CPQ: variants seen among roughly 807,000 people sequenced by gnomAD.
The protein encoded by CPQ is carboxypeptidase Q.
CPQ carries 37 observed loss-of-function variants against 45.7 expected under a neutral mutation model. The observed-to-expected ratio is 0.81, with a 90% confidence interval of 0.62 to 1.07. The LOEUF (loss-of-function observed/expected upper bound fraction) is 1.07, where lower values mean the gene tolerates loss of function less well. Among genes scored for constraint, CPQ ranks in the 50% least tolerant of loss-of-function variants. The pLI, the probability that CPQ is intolerant of heterozygous loss-of-function variation, is 0.00. For synonymous variants in CPQ, 186 were observed against 205.8 expected (o/e 0.90, Z 0.82); for missense variants, 537 against 572.9 (o/e 0.94, Z 0.64).
intron 1 of CPQ, among the ~76,000 whole-genome samples, chr8:96,724,682 C>T (rs1809812105): frequency 6.6e-6 from 1 of 152,044 alleles, no homozygotes; most frequent in Non-Finnish European, 1.5e-5. Context: ...CACACTGGCC[C>T]CAAGAAACTT....
chr8:97,106,501 G>A (rs933979113), intron 7 of CPQ, among the ~76,000 whole-genome samples: 22 of 152,226 alleles, frequency 1.4e-4, no homozygotes, highest in South Asian at 8.3e-4. Flanking sequence ...GCGGCACGGC[G>A]TCTAGAGCTG....
intron 7 of CPQ, among the ~76,000 whole-genome samples, chr8:97,078,184 A>T (rs943432248): frequency 3.3e-5 from 5 of 152,168 alleles, no homozygotes; most frequent in African/African-American, 1.2e-4. Context: ...AGTCCTTTTG[A>T]CATGACCCTC....
intron 7 of CPQ, among the ~76,000 whole-genome samples, chr8:97,126,685 AC>A (rs1811852717): frequency 6.6e-6 from 1 of 152,224 alleles, no homozygotes; most frequent in Non-Finnish European, 1.5e-5. Flanking sequence ...TTAATAAAAT[AC>A]ATGTAAAATT....
At chr8:97,112,433 G>A (rs1211176019) in intron 7 of CPQ, among the ~76,000 whole-genome samples, 2 of 152,292 alleles carry the variant, frequency 1.3e-5, no homozygotes, top group African/African-American at 4.8e-5. Context: ...AAGTCAGCTG[G>A]AAGCCATGAG....
chr8:97,025,682 C>T (rs1451122136), intron 5 of CPQ, among the ~76,000 whole-genome samples: 1 of 152,176 alleles, frequency 6.6e-6, no homozygotes, highest in African/African-American at 2.4e-5. Context: ...AATTAATTCC[C>T]TACGTTTGAC....
chr8:97,014,641 CAA>C (rs368425080), intron 5 of CPQ, among the ~76,000 whole-genome samples: 3,010 of 58,518 alleles, frequency 0.051, 57 homozygotes, highest in African/African-American at 0.13. Context: ...GACTCCATCT[CAA>C]AAAAAAAAAA....
At position 96,785,030 on chromosome 8, in the gene CPQ, G is replaced by C. The variant is rs900697169; in HGVS notation, c.133G>C (p.Asp45His). 3 of 1,613,802 alleles carry C rather than the reference G, an allele frequency of 1.9e-6. No homozygotes were observed. The highest frequency in any genetic ancestry group is 1.7e-6 in the Non-Finnish European group (2 of 1,179,820). ...EIKEEIASCG[D>H]VAKAIINLAV... ...AAAAGAAGAAATAGCCAGCTGTGGA[G>C]ATGTTGCTAAAGCAATCATCAACCT... The change falls in exon 2 of 8, where the codon GAT (aspartate) becomes CAT (histidine). Residue 45 changes from aspartate (D) to histidine (H), a missense_variant. Coordinates refer to ENST00000220763, the MANE Select transcript of CPQ (RefSeq NM_016134.4).
At chr8:96,680,128 T>A (rs887513988) in intron 1 of CPQ, among the ~76,000 whole-genome samples, 1 of 152,196 alleles carries the variant, frequency 6.6e-6, no homozygotes, top group Non-Finnish European at 1.5e-5. Flanking sequence ...ACATCTTCAT[T>A]TGTTTCCAGA....
chr8:96,685,050 G>A (rs1809207355), intron 1 of CPQ, among the ~76,000 whole-genome samples: 1 of 151,942 alleles, frequency 6.6e-6, no homozygotes, highest in Admixed American at 6.5e-5. Context: ...GTTGCAGTGA[G>A]CTGAGCTCGT....
At chr8:96,936,402 C>T (rs1160703092) in intron 4 of CPQ, among the ~76,000 whole-genome samples, 1 of 152,220 alleles carries the variant, frequency 6.6e-6, no homozygotes, top group African/African-American at 2.4e-5. Context: ...AAAGCAACAT[C>T]AAACCTTCAT....
At chr8:96,952,375 G>T (rs1473454171) in intron 4 of CPQ, among the ~76,000 whole-genome samples, 1 of 152,060 alleles carries the variant, frequency 6.6e-6, no homozygotes. Context: ...CTTTGATAGG[G>T]TGTGATTGTA....
intron 7 of CPQ, among the ~76,000 whole-genome samples, chr8:97,113,424 T>C (rs191602057): frequency 6.6e-6 from 1 of 152,242 alleles, no homozygotes; most frequent in East Asian, 1.9e-4. Context: ...GAATGTTTGG[T>C]GAGAAGCAAT....
chr8:96,964,481 T>C (rs1315291015), intron 4 of CPQ, among the ~76,000 whole-genome samples: 2 of 152,152 alleles, frequency 1.3e-5, no homozygotes, highest in Non-Finnish European at 2.9e-5. Context: ...TTATGATTAT[T>C]AGTAATTTGC....
intron 1 of CPQ, among the ~76,000 whole-genome samples, chr8:96,710,168 T>TA (rs1809587629): frequency 6.6e-6 from 1 of 152,156 alleles, no homozygotes; most frequent in Non-Finnish European, 1.5e-5. Context: ...TTTTCTAGTT[T>TA]ATGTGCATAG....
chr8:96,737,263 A>T (rs945688106), intron 1 of CPQ, among the ~76,000 whole-genome samples: 4 of 148,112 alleles, frequency 2.7e-5, no homozygotes, highest in Non-Finnish European at 4.5e-5. Flanking sequence ...ACAAAAAAAA[A>T]CTAATAGGAT....
intron 5 of CPQ, among the ~76,000 whole-genome samples, chr8:96,999,479 G>C (rs1809233191): frequency 6.6e-6 from 1 of 152,000 alleles, no homozygotes; most frequent in Non-Finnish European, 1.5e-5. Context: ...TTATAAGTGA[G>C]AAGATGTAGT....
At position 96,646,074 on chromosome 8, in the gene CPQ, G is replaced by T. The variant is rs113552906; in HGVS notation, c.-35+672G>T. ...TCAGTGCATGAGTGAAAATAAAGAT[G>T]TATGAAGTGGAAGCAGTGGAGACGC... On this transcript the variant is annotated intron_variant, in intron 1 of 7. Coordinates refer to ENST00000220763, the MANE Select transcript of CPQ (RefSeq NM_016134.4). Among the ~76,000 whole-genome samples, 56 of 150,762 alleles carry T rather than the reference G, an allele frequency of 3.7e-4. 1 individual carries two copies. Among genetic ancestry groups the T allele is most frequent in the African/African-American group, 1.4e-3 (56 of 40,882 alleles).
At chr8:96,930,319 A>G (rs1046004822) in intron 4 of CPQ, among the ~76,000 whole-genome samples, 1 of 152,156 alleles carries the variant, frequency 6.6e-6, no homozygotes, top group African/African-American at 2.4e-5. Flanking sequence ...TTTCCAGGTG[A>G]TTTTTGGGAA....
intron 3 of CPQ, among the ~76,000 whole-genome samples, chr8:96,852,075 T>G (rs947648539): frequency 6.6e-6 from 1 of 152,222 alleles, no homozygotes; most frequent in Admixed American, 6.5e-5. Flanking sequence ...TACCATCACT[T>G]TTTATTTTTT....
Sources: allele counts gnomAD v4.1 joint callset (sites outside exome capture counted in the v4.1 genomes callset), GRCh38; gene constraint gnomAD v4.1.1; transcripts MANE v1.5; gene names NCBI Gene and HGNC (gene_info 2026-07-23, HGNC 2026-07-21).